The following PTPRK variants were observed in gnomAD, a reference collection of about 807,000 sequenced individuals.
PTPRK encodes the protein receptor-type tyrosine-protein phosphatase kappa.
Under a neutral mutation model 178.0 loss-of-function variants are expected in PTPRK, and 75 were observed. The observed-to-expected ratio is 0.42, with a 90% confidence interval of 0.35 to 0.51. PTPRK has a LOEUF of 0.51. Ranked by LOEUF, PTPRK falls within the 20% of genes least tolerant of loss-of-function variation. The pLI is 0.02. For synonymous variants in PTPRK, 637 were observed against 620.6 expected, an observed-to-expected ratio of 1.03 and a Z score of -0.39; for missense variants, 1,441 against 1,797.8, an observed-to-expected ratio of 0.80 and a Z score of 3.59.
intron 6 of PTPRK, among the ~76,000 whole-genome samples, chr6:128,212,678 C>T (rs57429112): frequency 3.9e-5 from 6 of 152,054 alleles, no homozygotes; most frequent in South Asian, 2.1e-4. Flanking sequence ...ATTCTTAAGA[C>T]GAAAGCTTCA....
intron 15 of PTPRK, among the ~76,000 whole-genome samples, chr6:128,000,585 G>GA (rs1491153029): frequency 3.9e-5 from 6 of 151,926 alleles, no homozygotes; most frequent in Admixed American, 3.9e-4. Flanking sequence ...CATGATTCAT[G>GA]AGAGTTTCCT....
At chr6:128,467,683 G>T (rs1850055432) in intron 1 of PTPRK, among the ~76,000 whole-genome samples, 1 of 152,198 alleles carries the variant, frequency 6.6e-6, no homozygotes, top group South Asian at 2.1e-4. Context: ...GCCACTCGTA[G>T]GTTTCCTTTG....
intron 13 of PTPRK, among the ~76,000 whole-genome samples, chr6:128,059,800 T>G (rs1026439688): frequency 1.2e-4 from 19 of 152,328 alleles, no homozygotes; most frequent in African/African-American, 4.3e-4. Flanking sequence ...CGTTCTATTT[T>G]TTTCCATTTC....
At chr6:127,993,816 A>G (rs1001459715) in intron 18 of PTPRK, among the ~76,000 whole-genome samples, 4 of 151,676 alleles carry the variant, frequency 2.6e-5, no homozygotes, top group Non-Finnish European at 5.9e-5. Flanking sequence ...GAGAGGGAAA[A>G]TTATGAAATT....
At chr6:128,068,761 T>C (rs571041523) in intron 11 of PTPRK, among the ~76,000 whole-genome samples, 4 of 151,100 alleles carry the variant, frequency 2.6e-5, no homozygotes, top group Admixed American at 6.6e-5. Flanking sequence ...TATAAATATA[T>C]TTTAAAATGT....
intron 2 of PTPRK, among the ~76,000 whole-genome samples, chr6:128,375,554 G>T (rs550697162): frequency 6.6e-6 from 1 of 152,102 alleles, no homozygotes; most frequent in East Asian, 1.9e-4. Context: ...ATTTTGGTGG[G>T]GACACAGCCA....
rs1236723399 is a variant in PTPRK, at chr6:127,969,383, A to C, written c.*844T>G. The C allele has an allele frequency of 6.6e-6, 1 of 152,208 alleles. No individual in the cohort carries two copies. Among genetic ancestry groups the C allele is most frequent in the Non-Finnish European group, 1.5e-5 (1 of 68,030 alleles). The allele number at this position is 152,208 out of a possible 1,614,324, so 9.4% of individuals were successfully genotyped here. The stretch of plus-strand genomic sequence containing the variant: ...CCCAATTGCCAAGGGATTTTACACA[A>C]ATTTAATTCACAAGCATGTACACAA... On this transcript the variant is annotated 3_prime_UTR_variant, in exon 30 of 30. Coordinates refer to ENST00000368226, the MANE Select transcript of PTPRK (RefSeq NM_002844.4).
At chr6:128,459,812 T>A (rs1848812924) in intron 1 of PTPRK, among the ~76,000 whole-genome samples, 1 of 152,148 alleles carries the variant, frequency 6.6e-6, no homozygotes, top group South Asian at 2.1e-4. Flanking sequence ...TGAAACTGGG[T>A]AATTTATAAA....
At chr6:128,219,239 T>C (rs776670912) in intron 5 of PTPRK, 143 bp from the exon 6 acceptor site, 4 of 764,272 alleles carry the variant, frequency 5.2e-6, no homozygotes, top group Non-Finnish European at 8.2e-6. Context: ...AGGAAAAGAA[T>C]GTAAGTAAAT....
At position 128,062,847 on chromosome 6, in the gene PTPRK, A is replaced by AT. The variant is rs774162588; in HGVS notation, c.2194+1910dup. 8.3e-3 allele frequency: 1,176 copies of AT among 142,180 alleles called. 9 individuals are homozygous for AT. Among genetic ancestry groups the AT allele is most frequent in the African/African-American group, 0.021 (820 of 38,806 alleles). 8.8% of individuals were successfully genotyped at this position (142,180 alleles called of 1,614,324 possible). On this transcript the variant is annotated intron_variant, in intron 13 of 29. Coordinates refer to ENST00000368226, the MANE Select transcript of PTPRK (RefSeq NM_002844.4). ...GTGAGCTCCATCAAGCCTGGCTAAC[A>AT]TTTTTTTTTTTTTTAAATTTTCAGT... is the stretch of plus-strand genomic sequence containing the variant.
chr6:128,490,224 C>G (rs1447309821), intron 1 of PTPRK, among the ~76,000 whole-genome samples: 1 of 152,004 alleles, frequency 6.6e-6, no homozygotes, highest in African/African-American at 2.4e-5. Flanking sequence ...GAGACTAAAA[C>G]TGGGGAAAAA....
chr6:128,326,401 T>C (rs1258667433), intron 2 of PTPRK, among the ~76,000 whole-genome samples: 5 of 152,178 alleles, frequency 3.3e-5, no homozygotes, highest in African/African-American at 1.2e-4. Flanking sequence ...AAGATACAGC[T>C]TTAAAAGATG....
chr6:128,289,169 A>T (rs1822980554), intron 3 of PTPRK, among the ~76,000 whole-genome samples: 1 of 152,100 alleles, frequency 6.6e-6, no homozygotes, highest in Non-Finnish European at 1.5e-5. Flanking sequence ...GGGCCCTTGG[A>T]CCTGCATGTT....
intron 6 of PTPRK, among the ~76,000 whole-genome samples, chr6:128,194,724 G>A (rs1804559802): frequency 6.6e-6 from 1 of 152,142 alleles, no homozygotes; most frequent in South Asian, 2.1e-4. Context: ...ACCTTTAAGA[G>A]CTAGGAGACT....
intron 1 of PTPRK, among the ~76,000 whole-genome samples, chr6:128,514,757 A>G (rs1192149712): frequency 6.6e-6 from 1 of 152,208 alleles, no homozygotes; most frequent in African/African-American, 2.4e-5. Flanking sequence ...GGGAAATGGC[A>G]ATGTTCCACG....
At chr6:128,003,267 G>GGC in intron 15 of PTPRK, 35 of 1,492,226 alleles carry the variant, frequency 2.3e-5, no homozygotes, top group East Asian at 4.7e-5. Context: ...GGAATATATT[G>GGC]CTCTAAAATT....
intron 13 of PTPRK, among the ~76,000 whole-genome samples, chr6:128,011,486 G>T (rs748242179): frequency 1.3e-5 from 2 of 150,898 alleles, no homozygotes; most frequent in Admixed American, 1.3e-4. Flanking sequence ...ATTATGAGTC[G>T]CATATGCTAC....
intron 1 of PTPRK, among the ~76,000 whole-genome samples, chr6:128,505,211 C>T (rs1348875909): frequency 6.7e-6 from 1 of 149,412 alleles, no homozygotes; most frequent in Non-Finnish European, 1.5e-5. Flanking sequence ...TCATGCGATT[C>T]TCCTGCCTCA....
intron 22 of PTPRK, 89 bp from the exon 23 acceptor site, chr6:127,983,466 GA>G (rs143690498): frequency 0.025 from 34,990 of 1,384,410 alleles, 563 homozygotes; most frequent in Non-Finnish European, 0.029. Context: ...CAGATAGGTA[GA>G]ATCAAATTGA....
Sources: gnomAD v4.1 joint callset for allele counts (sites outside exome capture counted in the v4.1 genomes callset) on GRCh38, gnomAD v4.1.1 for gene constraint, MANE v1.5 for transcripts, NCBI Gene and HGNC (gene_info 2026-07-23, HGNC 2026-07-21) for gene names.